The following CDH23 variants were observed in gnomAD, a reference collection of about 807,000 sequenced individuals.
The protein encoded by CDH23 is cadherin-23.
Under a neutral mutation model 317.1 loss-of-function variants are expected in CDH23, and 189 were observed. The ratio of observed to expected loss-of-function variants is 0.60; its 90% CI spans 0.53 to 0.67. The LOEUF is 0.67. Among genes scored for constraint, CDH23 ranks in the 30% least tolerant of loss-of-function variants. The pLI, the probability that CDH23 is intolerant of heterozygous loss-of-function variation, is 0.00. For synonymous variants in CDH23, 1,839 were observed against 1,876.8 expected, an observed-to-expected ratio of 0.98 and a Z score of 0.52; for missense variants, 4,401 against 4,592.4, an observed-to-expected ratio of 0.96 and a Z score of 1.20.
chr10:71,679,324 C>T, intron 16 of CDH23, 63 bp from the exon 17 acceptor site: 1 of 851,454 alleles, frequency 1.2e-6, no homozygotes, highest in Non-Finnish European at 1.9e-6. Flanking sequence ...CCCAGCTGCC[C>T]ACCCTCTTCT....
chr10:71,732,469 A>C (rs1049403339), intron 32 of CDH23, 94 bp downstream of exon 32: 3 of 1,511,626 alleles, frequency 2.0e-6, no homozygotes, highest in Middle Eastern at 1.7e-4. Flanking sequence ...TCTTTGTCAT[A>C]AAATGTCCTT....
At chr10:71,418,925 T>C (rs1307549070) in intron 1 of CDH23, among the ~76,000 whole-genome samples, 1 of 152,234 alleles carries the variant, frequency 6.6e-6, no homozygotes, top group Non-Finnish European at 1.5e-5. Context: ...CCTCATCAGA[T>C]GGCTGTGGGA....
chr10:71,439,903 G>A lies in CDH23; in HGVS notation c.67+5G>A. 6.4e-7 allele frequency: 1 copy of A among 1,569,182 alleles called. No homozygotes were observed. ...TGCTGATCTCTGGATGCTGGGGTAA[G>A]TCCAGTCCTCCCCGTGTCTATCCCA... On this transcript the variant is annotated splice_donor_5th_base_variant and intron_variant, in intron 2 of 69. Coordinates refer to ENST00000224721, the MANE Select transcript of CDH23 (RefSeq NM_022124.6).
Position 71,751,782 on chromosome 10 carries a change from G to A in CDH23, c.4845+9861G>A, listed in dbSNP as rs1002500893. On this transcript the variant is annotated intron_variant, in intron 38 of 69. Transcript: ENST00000224721. The surrounding 1 kb of genome is among the most constrained non-coding windows in gnomAD (Gnocchi z 4.9). ...TGCCGCTGGGCCACATAGGACAGGG[G>A]GTGCCTGACTTTGGCCTCGGGTATC... 1.7e-5 allele frequency: 27 copies of A among 1,600,872 alleles called. No homozygotes were observed. The highest frequency in any genetic ancestry group is 2.3e-5 in the Non-Finnish European group (27 of 1,173,564).
Position 71,803,093 on chromosome 10 carries a change from G to T in CDH23, c.7660+18G>T. On this transcript the variant is annotated intron_variant, in intron 54 of 69. Transcript: ENST00000224721. The stretch of plus-strand genomic sequence containing the variant: ...TGGCGTGGGTATGTGGCCTTCCTTG[G>T]ACACCCATGATGTCTTGGGGGGTGG... 1 of 1,585,432 alleles carries T rather than the reference G, an allele frequency of 6.3e-7. No homozygotes were observed. The highest frequency in any genetic ancestry group is 1.1e-5 in the South Asian group (1 of 90,216).
chr10:71,558,272 T>G (rs1175007287), intron 6 of CDH23, among the ~76,000 whole-genome samples: 1 of 152,200 alleles, frequency 6.6e-6, no homozygotes, highest in Non-Finnish European at 1.5e-5. Flanking sequence ...AGTGCTGGGA[T>G]TACAGGCATG....
intron 1 of CDH23, among the ~76,000 whole-genome samples, chr10:71,417,144 C>T (rs866640204): frequency 1.3e-4 from 19 of 150,984 alleles, no homozygotes; most frequent in South Asian, 2.1e-4. Flanking sequence ...GGCACGATCT[C>T]GGCTCACTGC....
Position 71,730,620 on chromosome 10 carries a change from G to A in CDH23, c.3715+16G>A, listed in dbSNP as rs750133133. On this transcript the variant is annotated intron_variant, in intron 31 of 69. Coordinates refer to ENST00000224721, the MANE Select transcript of CDH23 (RefSeq NM_022124.6). ...CGAGACTCTGGTGAGGCTGGCAGGAGGAAGCCGGGGATCCCATTGCTCAGA... is the reference window on the plus strand; with the variant it reads ...CGAGACTCTGGTGAGGCTGGCAGGAAGAAGCCGGGGATCCCATTGCTCAGA... 5.0e-6 allele frequency: 8 copies of A among 1,613,146 alleles called. No homozygotes were observed. The East Asian group carries it at 1.8e-4, about 36-fold the overall frequency.
At chr10:71,462,529 G>C (rs1851051092) in intron 3 of CDH23, among the ~76,000 whole-genome samples, 1 of 152,236 alleles carries the variant, frequency 6.6e-6, no homozygotes, top group Non-Finnish European at 1.5e-5. Flanking sequence ...TGTGACGTGA[G>C]AGGCCATGTG....
Position 71,550,579 on chromosome 10 carries a change from A to AAAAAAAAG in CDH23, c.430-16158_430-16157insAAGAAAAA, listed in dbSNP as rs1564647432. Reference sequence around the variant, plus strand: ...TGTCTCAAAAAAAAAAAAAAAAAAGAAAAAAGAAAAAGAAAGAAAGAAAGA... The same window carrying AAAAAAAAG: ...TGTCTCAAAAAAAAAAAAAAAAAAGAAAAAAAAGAAAAAGAAAAAGAAAGAAAGAAAGA... On this transcript the variant is annotated intron_variant, in intron 6 of 69. Transcript: ENST00000224721. 1.6e-3 allele frequency among the ~76,000 whole-genome samples: 197 copies of AAAAAAAAG among 121,162 alleles called. 4 individuals carry two copies. Among genetic ancestry groups the AAAAAAAAG allele is most frequent in the East Asian group, 7.5e-3 (30 of 3,976 alleles). 79.5% of individuals were successfully genotyped at this position (121,162 alleles called of 152,430 possible). A position where few individuals can be genotyped will look rare whatever the true frequency, so the allele number is the denominator to read the frequency against.
intron 1 of CDH23, among the ~76,000 whole-genome samples, chr10:71,415,727 C>T (rs1848506520): frequency 6.6e-6 from 1 of 152,094 alleles, no homozygotes; most frequent in Admixed American, 6.5e-5. Flanking sequence ...AAAGTGTTTT[C>T]TAATTTCTGT....
intron 14 of CDH23, among the ~76,000 whole-genome samples, chr10:71,655,015 C>T (rs1487596141): frequency 6.6e-6 from 1 of 152,152 alleles, no homozygotes; most frequent in Non-Finnish European, 1.5e-5. Flanking sequence ...TAGAAACACT[C>T]AGAGGTCACT....
chr10:71,644,400 A>G (rs1478657984), intron 12 of CDH23, among the ~76,000 whole-genome samples: 2 of 152,238 alleles, frequency 1.3e-5, no homozygotes, highest in Non-Finnish European at 1.5e-5. Context: ...AACCCAAGAG[A>G]CTGATGGGTA....
chr10:71,739,419 A>G (rs1839673978), intron 35 of CDH23, among the ~76,000 whole-genome samples: 3 of 152,138 alleles, frequency 2.0e-5, no homozygotes, highest in Non-Finnish European at 4.4e-5. Context: ...GGATACTGAT[A>G]TCTCCTAGCC....
chr10:71,703,617 C>T (rs1865672358), intron 24 of CDH23, among the ~76,000 whole-genome samples: 1 of 152,218 alleles, frequency 6.6e-6, no homozygotes, highest in South Asian at 2.1e-4. Flanking sequence ...AGCCTGTTCT[C>T]ATTAGAAGAA....
intron 3 of CDH23, among the ~76,000 whole-genome samples, chr10:71,496,743 T>C (rs954672307): frequency 2.0e-5 from 3 of 152,184 alleles, no homozygotes; most frequent in Non-Finnish European, 4.4e-5. Flanking sequence ...CCACAGCCCA[T>C]TGGAATCACT....
At chr10:71,563,605 G>A (rs1328190940) in intron 6 of CDH23, among the ~76,000 whole-genome samples, 1 of 152,070 alleles carries the variant, frequency 6.6e-6, no homozygotes, top group Non-Finnish European at 1.5e-5. Flanking sequence ...ATCTCACCCT[G>A]CCTGTAATGA....
At chr10:71,505,257 T>G (rs1209902338) in intron 3 of CDH23, among the ~76,000 whole-genome samples, 1 of 152,118 alleles carries the variant, frequency 6.6e-6, no homozygotes, top group African/African-American at 2.4e-5. Flanking sequence ...TCTTGAGAGG[T>G]GCCAAAGCTG....
At chr10:71,611,138 T>C (rs1860862887) in intron 9 of CDH23, among the ~76,000 whole-genome samples, 1 of 147,726 alleles carries the variant, frequency 6.8e-6, no homozygotes, top group South Asian at 2.1e-4. Flanking sequence ...GAGGTATCAG[T>C]TTCCAGGAGA....
Sources: gnomAD v4.1 joint callset for allele counts (sites outside exome capture counted in the v4.1 genomes callset) on GRCh38, gnomAD v4.1.1 for gene constraint, Gnocchi (gnomAD v3.1) non-coding constraint, MANE v1.5 for transcripts, NCBI Gene and HGNC (gene_info 2026-07-23, HGNC 2026-07-21) for gene names.